ZCWPW2: variants seen among roughly 807,000 people sequenced by gnomAD.
ZCWPW2 encodes zinc finger CW-type and PWWP domain containing 2, also known as zinc finger CW-type PWWP domain protein 2.
In ZCWPW2, 45 loss-of-function variants were observed where a neutral mutation model predicts 46.6. The ratio of observed to expected loss-of-function variants is 0.96; its 90% CI spans 0.76 to 1.24. The LOEUF (loss-of-function observed/expected upper bound fraction) is 1.24. ZCWPW2 is among the 50% of genes most tolerant of loss of function. ZCWPW2 has a pLI of 0.00. For synonymous variants in ZCWPW2, 152 were observed against 137.1 expected, an observed-to-expected ratio of 1.11 and a Z score of -0.76; for missense variants, 429 against 403.9, an observed-to-expected ratio of 1.06 and a Z score of -0.53.
chr3:28,447,732 A>C, intron 4 of ZCWPW2: 1 of 609,974 alleles, frequency 1.6e-6, no homozygotes. Context: ...AGAATGGTCC[A>C]GCATTTGACA....
intron 2 of ZCWPW2, among the ~76,000 whole-genome samples, chr3:28,401,362 G>C (rs1037650944): frequency 6.6e-6 from 1 of 152,144 alleles, no homozygotes; most frequent in African/African-American, 2.4e-5. Context: ...CCAACTATCT[G>C]CTGACTTCAA....
chr3:28,386,757 A>G (rs181222502), intron 1 of ZCWPW2, among the ~76,000 whole-genome samples: 24 of 152,186 alleles, frequency 1.6e-4, no homozygotes, highest in African/African-American at 3.9e-4. Flanking sequence ...TATTAAGCCT[A>G]TGTTTTATAG....
At chr3:28,359,297 T>G (rs564811866) in intron 1 of ZCWPW2, among the ~76,000 whole-genome samples, 1 of 152,268 alleles carries the variant, frequency 6.6e-6, no homozygotes, top group Admixed American at 6.5e-5. Context: ...ATAAGTATTG[T>G]ATTCATTAAG....
At chr3:28,511,364 A>G (rs1005462844) in intron 6 of ZCWPW2, among the ~76,000 whole-genome samples, 1 of 152,240 alleles carries the variant, frequency 6.6e-6, no homozygotes, top group Non-Finnish European at 1.5e-5. Context: ...TTTTAAATGG[A>G]AAGTACTTAA....
At chr3:28,361,072 G>A (rs1376939243) in intron 1 of ZCWPW2, among the ~76,000 whole-genome samples, 1 of 151,958 alleles carries the variant, frequency 6.6e-6, no homozygotes, top group Non-Finnish European at 1.5e-5. Flanking sequence ...GTATCTTTAT[G>A]TATATACAGA....
intron 4 of ZCWPW2, among the ~76,000 whole-genome samples, chr3:28,477,176 T>C (rs904859677): frequency 6.6e-6 from 1 of 152,232 alleles, no homozygotes; most frequent in Non-Finnish European, 1.5e-5. Flanking sequence ...GTCTAAAATC[T>C]GTGAAGGCTA....
rs189778065 is a variant in ZCWPW2 at position 28,501,809 on chromosome 3, C to T, written c.657+9636C>T. Among the ~76,000 whole-genome samples, 19 of 152,204 alleles carry T rather than the reference C, an allele frequency of 1.2e-4. No homozygotes were observed. In the East Asian group the frequency reaches 3.5e-3, roughly 28 times the overall value. ...TGTCGCCCAGGCTGGCATACACTGG[C>T]GTGAACACGGATCACTGAAGCCTTC... is the stretch of plus-strand genomic sequence containing the variant. On this transcript the variant is annotated intron_variant, in intron 6 of 9. Coordinates refer to ENST00000383768, the MANE Select transcript of ZCWPW2 (RefSeq NM_001040432.4).
At chr3:28,498,338 G>A (rs74741081) in intron 6 of ZCWPW2, among the ~76,000 whole-genome samples, 1,684 of 151,844 alleles carry the variant, frequency 0.011, 35 homozygotes, top group East Asian at 0.071. Flanking sequence ...CTGTCTGCAA[G>A]AGCTAGTTCT....
chr3:28,408,229 A>C (rs1040706585), intron 2 of ZCWPW2, among the ~76,000 whole-genome samples: 15 of 152,304 alleles, frequency 9.8e-5, no homozygotes, highest in Non-Finnish European at 2.1e-4. Flanking sequence ...ACCATTTAAA[A>C]GTAATCTTTT....
At chr3:28,404,852 A>C (rs926422259) in intron 2 of ZCWPW2, among the ~76,000 whole-genome samples, 1 of 152,146 alleles carries the variant, frequency 6.6e-6, no homozygotes, top group Non-Finnish European at 1.5e-5. Flanking sequence ...GATAAGAATG[A>C]CACAATGGAC....
intron 4 of ZCWPW2, chr3:28,461,034 A>G (rs1698612280): frequency 7.9e-6 from 2 of 253,134 alleles, no homozygotes. Flanking sequence ...TAAAGTAATG[A>G]TCAATATTTG....
chr3:28,507,160 G>C (rs1258777963), intron 6 of ZCWPW2, among the ~76,000 whole-genome samples: 1 of 152,072 alleles, frequency 6.6e-6, no homozygotes, highest in Non-Finnish European at 1.5e-5. Flanking sequence ...TTTATCAAAG[G>C]CTCATACTAG....
chr3:28,448,644 G>A (rs1037190637), intron 4 of ZCWPW2, among the ~76,000 whole-genome samples: 1 of 151,362 alleles, frequency 6.6e-6, no homozygotes, highest in Non-Finnish European at 1.5e-5. Context: ...AATTAGCCAG[G>A]CATGTTGGCG....
intron 3 of ZCWPW2, among the ~76,000 whole-genome samples, chr3:28,417,088 A>G (rs1696611230): frequency 6.6e-6 from 1 of 151,028 alleles, no homozygotes; most frequent in African/African-American, 2.4e-5. Flanking sequence ...AAGGTCAACA[A>G]AATTGATAGA....
intron 2 of ZCWPW2, among the ~76,000 whole-genome samples, chr3:28,393,019 G>A (rs989012869): frequency 2.0e-5 from 3 of 151,766 alleles, no homozygotes; most frequent in African/African-American, 7.3e-5. Flanking sequence ...AACTAAAACT[G>A]GTTTTTTGAA....
chr3:28,379,618 T>C (rs1450156344), intron 1 of ZCWPW2, among the ~76,000 whole-genome samples: 1 of 152,216 alleles, frequency 6.6e-6, no homozygotes, highest in African/African-American at 2.4e-5. Context: ...CAAAACATTT[T>C]TTTTTTACAC....
rs140000165 is a variant in ZCWPW2 at position 28,422,204 on chromosome 3, T to C, written c.332+8804T>C. Among the ~76,000 whole-genome samples the C allele has an allele frequency of 2.5e-3, 386 of 152,218 alleles. 1 individual carries two copies. Among genetic ancestry groups the C allele is most frequent in the African/African-American group, 8.4e-3 (351 of 41,542 alleles). ...TATAATCTATGAAACAGCATTCACT[T>C]ATCATTATCAATGAAGTCCATAGTT... On this transcript the variant is annotated intron_variant, in intron 3 of 9. Transcript: ENST00000383768.
chr3:28,449,217 A>C (rs1329922380), intron 4 of ZCWPW2, among the ~76,000 whole-genome samples: 3 of 152,192 alleles, frequency 2.0e-5, no homozygotes, highest in African/African-American at 7.2e-5. Flanking sequence ...CCTTACCTAA[A>C]ATCATGTACA....
chr3:28,450,877 T>C lies in ZCWPW2; in HGVS notation c.492+15608T>C, dbSNP rs1267192592. 2.0e-5 allele frequency among the ~76,000 whole-genome samples: 3 copies of C among 152,228 alleles called. No homozygotes were observed. In the East Asian group the frequency reaches 5.8e-4, roughly 29 times the overall value. ...TTATAGCTCCAATAATGCTGCTTTC[T>C]AATTGTGATAGTCATTAATATTGTT... On this transcript the variant is annotated intron_variant, in intron 4 of 9. Transcript: ENST00000383768.
Sources: gnomAD v4.1 joint callset for allele counts (sites outside exome capture counted in the v4.1 genomes callset) on GRCh38, gnomAD v4.1.1 for gene constraint, MANE v1.5 for transcripts, NCBI Gene and HGNC (gene_info 2026-07-23, HGNC 2026-07-21) for gene names.